Variants in PDE7B observed in about 807,000 individuals in gnomAD.
PDE7B encodes 3',5'-cyclic-AMP phosphodiesterase 7B.
A neutral mutation model predicts 56.2 loss-of-function variants in PDE7B; 29 were observed. The observed-to-expected ratio is 0.52, with a 90% CI of 0.38 to 0.70. The LOEUF (loss-of-function observed/expected upper bound fraction) is 0.70. Ranked by LOEUF, PDE7B falls within the 30% of genes least tolerant of loss-of-function variation. The pLI, the probability that PDE7B is intolerant of heterozygous loss-of-function variation, is 0.00. For synonymous variants in PDE7B, 197 were observed against 196.9 expected (o/e 1.00, Z 0.00); for missense variants, 490 against 565.0 (o/e 0.87, Z 1.35).
At position 136,147,324 on chromosome 6, in the gene PDE7B, ATTTCTTGACTTGATGAC is replaced by A; in HGVS notation, c.167-22_167-6del. The A allele has an allele frequency of 6.4e-7, 1 of 1,554,046 alleles. No individual in the cohort carries two copies. Among genetic ancestry groups the A allele is most frequent in the South Asian group, 1.2e-5 (1 of 85,770 alleles). Reference sequence around the variant, plus strand: ...AATTGGCTCTCTTTTAAATATATAAATTTCTTGACTTGATGACTTTCCACAGGTACAACATACTCAGG... The same window carrying A: ...AATTGGCTCTCTTTTAAATATATAAATTTCCACAGGTACAACATACTCAGG... On this transcript the variant is annotated splice_polypyrimidine_tract_variant and intron_variant, in intron 3 of 12. Transcript: ENST00000308191.
chr6:136,164,432 C>T (rs1236603592), intron 8 of PDE7B, among the ~76,000 whole-genome samples: 1 of 152,094 alleles, frequency 6.6e-6, no homozygotes, highest in Non-Finnish European at 1.5e-5. Context: ...CACAGCCAAA[C>T]CATATCAAGA....
chr6:136,191,528 G>T (rs76806595), intron 12 of PDE7B, 86 bp from the exon 13 acceptor site: 5 of 1,130,982 alleles, frequency 4.4e-6, no homozygotes, highest in Non-Finnish European at 6.5e-6. Flanking sequence ...TTAGCCGGGC[G>T]TGGTGGGTCC....
chr6:135,970,663 G>T (rs975617594), intron 2 of PDE7B, among the ~76,000 whole-genome samples: 1 of 152,130 alleles, frequency 6.6e-6, no homozygotes, highest in Non-Finnish European at 1.5e-5. Context: ...TATTATATGT[G>T]CAGTGTTCTG....
chr6:135,871,698 T>A (rs1407873023), intron 1 of PDE7B, among the ~76,000 whole-genome samples: 3 of 152,200 alleles, frequency 2.0e-5, no homozygotes, highest in African/African-American at 7.2e-5. Flanking sequence ...CACTAACTGT[T>A]CCGTGCCTCA....
At chr6:135,932,382 C>T (rs1337785319) in intron 1 of PDE7B, among the ~76,000 whole-genome samples, 1 of 152,058 alleles carries the variant, frequency 6.6e-6, no homozygotes, top group Non-Finnish European at 1.5e-5. Flanking sequence ...GCTTATTTCA[C>T]ATGGCATGCC....
chr6:136,077,715 T>C (rs1777146327), intron 2 of PDE7B, among the ~76,000 whole-genome samples: 1 of 152,226 alleles, frequency 6.6e-6, no homozygotes, highest in South Asian at 2.1e-4. Context: ...AAAATTATTA[T>C]GGTATTGTAT....
chr6:135,902,624 ACTTTTT>A (rs1293147173), intron 1 of PDE7B, among the ~76,000 whole-genome samples: 1 of 152,050 alleles, frequency 6.6e-6, no homozygotes, highest in Admixed American at 6.6e-5. Context: ...AAATATATCT[ACTTTTT>A]CTTATTTTGA....
intron 1 of PDE7B, among the ~76,000 whole-genome samples, chr6:135,899,570 ATG>A (rs757033558): frequency 6.6e-5 from 10 of 151,890 alleles, no homozygotes; most frequent in Non-Finnish European, 1.3e-4. Context: ...CTTATTAAAA[ATG>A]TGTGTCTTTT....
intron 1 of PDE7B, among the ~76,000 whole-genome samples, chr6:135,911,097 A>G (rs1776204515): frequency 6.6e-6 from 1 of 152,208 alleles, no homozygotes; most frequent in South Asian, 2.1e-4. Context: ...AAGCAAAAAC[A>G]TTTGGCTATA....
chr6:135,915,016 G>A (rs974674510), intron 1 of PDE7B, among the ~76,000 whole-genome samples: 15 of 151,478 alleles, frequency 9.9e-5, no homozygotes, highest in African/African-American at 2.9e-4. Flanking sequence ...TCACTTGAAC[G>A]CAGGAGGTGG....
rs570173243 is a variant in PDE7B at position 135,988,918 on chromosome 6, C to T, written c.82+41394C>T. 3.8e-4 allele frequency among the ~76,000 whole-genome samples: 58 copies of T among 152,164 alleles called. No individual in the cohort carries two copies. The South Asian group carries it at 0.01, about 27-fold the overall frequency. On this transcript the variant is annotated intron_variant, in intron 2 of 12. Transcript: ENST00000308191. ...TGTTGCAAGGAAACTTAATCTCAATCGAAAATAAAATCGATCTGTCTGTTA... is the reference window on the plus strand; with the variant it reads ...TGTTGCAAGGAAACTTAATCTCAATTGAAAATAAAATCGATCTGTCTGTTA...
At position 135,861,911 on chromosome 6, in the gene PDE7B, T is replaced by C. The variant is rs1402209356; in HGVS notation, c.21+9892T>C. 2.0e-5 allele frequency among the ~76,000 whole-genome samples: 3 copies of C among 151,996 alleles called. No homozygotes were observed. The East Asian group carries it at 5.8e-4, about 29-fold the overall frequency. On this transcript the variant is annotated intron_variant, in intron 1 of 12. Transcript: ENST00000308191. ...AACTGGCATCTCTTCAATTTCTATT[T>C]TTAACTTTTTGTTACTGATACATAG...
chr6:136,000,030 T>G (rs539141771), intron 2 of PDE7B, among the ~76,000 whole-genome samples: 15 of 152,360 alleles, frequency 9.8e-5, no homozygotes, highest in Non-Finnish European at 1.9e-4. Context: ...TTAAGCTTTT[T>G]GGCCACATGT....
intron 12 of PDE7B, 123 bp downstream of exon 12, chr6:136,187,239 T>TGA: frequency 1.6e-6 from 1 of 623,904 alleles, no homozygotes; most frequent in Non-Finnish European, 2.8e-6. Context: ...AACATCCTTT[T>TGA]GAATGGCTGA....
At chr6:135,934,781 T>TTAATAAATAA in intron 1 of PDE7B, among the ~76,000 whole-genome samples, 1 of 120,214 alleles carries the variant, frequency 8.3e-6, no homozygotes, top group African/African-American at 3.3e-5. Context: ...ATATATTTAT[T>TTAATAAATAA]ATATATATAT....
intron 2 of PDE7B, among the ~76,000 whole-genome samples, chr6:135,965,341 T>C (rs569539836): frequency 6.6e-6 from 1 of 152,198 alleles, no homozygotes; most frequent in East Asian, 1.9e-4. Flanking sequence ...GCAGCAACTG[T>C]CCTAGGTAGA....
intron 1 of PDE7B, among the ~76,000 whole-genome samples, chr6:135,870,200 G>A (rs1312239690): frequency 6.6e-6 from 1 of 152,104 alleles, no homozygotes; most frequent in East Asian, 1.9e-4. Flanking sequence ...TTCAGATTTG[G>A]GTATTTACTA....
At chr6:135,919,192 A>C (rs1774016743) in intron 1 of PDE7B, among the ~76,000 whole-genome samples, 1 of 152,172 alleles carries the variant, frequency 6.6e-6, no homozygotes, top group Non-Finnish European at 1.5e-5. Flanking sequence ...AAGCCAAGCC[A>C]ATCTTTCCAC....
intron 2 of PDE7B, among the ~76,000 whole-genome samples, chr6:136,082,967 A>G (rs1233477480): frequency 2.6e-5 from 4 of 152,226 alleles, no homozygotes; most frequent in East Asian, 1.9e-4. Context: ...ACATAAATAT[A>G]AAGATTGAAG....
Sources: gnomAD v4.1 joint callset for allele counts (sites outside exome capture counted in the v4.1 genomes callset) on GRCh38, gnomAD v4.1.1 for gene constraint, MANE v1.5 for transcripts, NCBI Gene and HGNC (gene_info 2026-07-23, HGNC 2026-07-21) for gene names.